Variants in AP3B1 observed in about 807,000 individuals in gnomAD.
AP3B1 encodes AP-3 complex subunit beta-1.
AP3B1 carries 61 observed loss-of-function variants against 132.5 expected under a neutral mutation model. The observed-to-expected ratio is 0.46, with a 90% CI of 0.37 to 0.57. AP3B1 has a LOEUF of 0.57. Ranked by LOEUF, AP3B1 falls within the 20% of genes least tolerant of loss-of-function variation. The probability of loss-of-function intolerance (pLI) is 0.00; values close to 1 mark genes in which losing one functional copy is unlikely to be tolerated. For synonymous variants in AP3B1, 388 were observed against 438.3 expected, an observed-to-expected ratio of 0.89 and a Z score of 1.43; for missense variants, 1,120 against 1,289.4, an observed-to-expected ratio of 0.87 and a Z score of 2.01.
intron 15 of AP3B1, among the ~76,000 whole-genome samples, chr5:78,131,694 C>G (rs1048602371): frequency 2.1e-4 from 32 of 152,042 alleles, no homozygotes; most frequent in African/African-American, 7.5e-4. Context: ...AGAGTCTTCA[C>G]GATAGGTGAG....
intron 7 of AP3B1, among the ~76,000 whole-genome samples, chr5:78,199,606 T>C (rs969595302): frequency 6.6e-6 from 1 of 152,146 alleles, no homozygotes; most frequent in Non-Finnish European, 1.5e-5. Flanking sequence ...GGAAAGTAAA[T>C]GTGTGTTGAA....
chr5:78,131,785 GAAAACTTTCA>G (rs1303146979), intron 15 of AP3B1, among the ~76,000 whole-genome samples: 1 of 152,028 alleles, frequency 6.6e-6, no homozygotes, highest in African/African-American at 2.4e-5. Flanking sequence ...CCTGTACAGG[GAAAACTTTCA>G]AAGTCTTTCT....
intron 11 of AP3B1, among the ~76,000 whole-genome samples, chr5:78,168,223 TTTC>T (rs1176190528): frequency 0.019 from 2,686 of 144,460 alleles, 73 homozygotes; most frequent in African/African-American, 0.064. Context: ...TTTTTTCTTT[TTTC>T]TTTTTTTTTT....
intron 7 of AP3B1, among the ~76,000 whole-genome samples, chr5:78,191,354 CAAAAAAAAAAAAAA>C (rs34733864): frequency 1.4e-5 from 1 of 72,832 alleles, no homozygotes; most frequent in African/African-American, 5.5e-5. Context: ...TGCTTTTCCC[CAAAAAAAAAAAAAA>C]AAAAAAAAAG....
At chr5:78,247,169 A>G (rs2112529216) in intron 2 of AP3B1, among the ~76,000 whole-genome samples, 1 of 151,488 alleles carries the variant, frequency 6.6e-6, no homozygotes, top group South Asian at 2.1e-4. Flanking sequence ...TTAATTCTAT[A>G]TGGTCAGATA....
intron 22 of AP3B1, among the ~76,000 whole-genome samples, chr5:78,081,017 T>TCA (rs1749977332): frequency 2.6e-5 from 4 of 152,270 alleles, no homozygotes; most frequent in Admixed American, 6.5e-5. Context: ...TACAAATGGA[T>TCA]GGCCCTAAGA....
At chr5:78,146,045 A>C (rs749820204) in intron 14 of AP3B1, among the ~76,000 whole-genome samples, 4 of 152,218 alleles carry the variant, frequency 2.6e-5, no homozygotes, top group Non-Finnish European at 5.9e-5. Context: ...AAATAGGTAG[A>C]GATTCAGGAG....
At chr5:78,051,956 G>C (rs1192493633) in intron 22 of AP3B1, among the ~76,000 whole-genome samples, 1 of 151,942 alleles carries the variant, frequency 6.6e-6, no homozygotes, top group Non-Finnish European at 1.5e-5. Context: ...AGTGGGTCTT[G>C]ATTTTACCTT....
intron 7 of AP3B1, among the ~76,000 whole-genome samples, chr5:78,192,412 C>A (rs889220643): frequency 5.9e-5 from 9 of 151,682 alleles, no homozygotes; most frequent in Non-Finnish European, 1.2e-4. Context: ...GGAGCCAAGG[C>A]GAGTGGATCA....
chr5:78,229,738 T>A (rs1461427808), intron 3 of AP3B1, among the ~76,000 whole-genome samples: 1 of 151,644 alleles, frequency 6.6e-6, no homozygotes. Context: ...AGACTCTGTC[T>A]CAAAAATTTA....
intron 17 of AP3B1, among the ~76,000 whole-genome samples, chr5:78,122,801 C>T (rs995242311): frequency 1.1e-4 from 17 of 152,260 alleles, no homozygotes; most frequent in African/African-American, 4.1e-4. Flanking sequence ...AATGCCATCC[C>T]CATCAAGCTA....
intron 1 of AP3B1, among the ~76,000 whole-genome samples, chr5:78,270,460 A>G (rs918085713): frequency 1.3e-5 from 2 of 152,214 alleles, no homozygotes; most frequent in Non-Finnish European, 2.9e-5. Flanking sequence ...ATTTCCAATC[A>G]GAGATACATG....
chr5:78,168,132 C>A (rs1304382360), intron 11 of AP3B1, among the ~76,000 whole-genome samples: 1 of 151,490 alleles, frequency 6.6e-6, no homozygotes, highest in African/African-American at 2.4e-5. Context: ...TATTCAGACA[C>A]ATGTATTAGA....
chr5:78,224,407 T>C (rs1013525579), intron 6 of AP3B1, among the ~76,000 whole-genome samples: 1 of 152,028 alleles, frequency 6.6e-6, no homozygotes, highest in Non-Finnish European at 1.5e-5. Context: ...CTAGAACATA[T>C]TCACTTAATC....
chr5:78,132,682 TAAC>T (rs768304350), intron 15 of AP3B1, among the ~76,000 whole-genome samples: 1 of 152,248 alleles, frequency 6.6e-6, no homozygotes, highest in Non-Finnish European at 1.5e-5. Context: ...AATCTTAAAA[TAAC>T]TACTAGCTTT....
chr5:78,257,660 G>A (rs1034315917), intron 2 of AP3B1, among the ~76,000 whole-genome samples: 1 of 152,100 alleles, frequency 6.6e-6, no homozygotes, highest in East Asian at 1.9e-4. Flanking sequence ...CATAGAAATA[G>A]AAAAAGAAAT....
At chr5:78,286,693 T>C (rs774311821) in intron 1 of AP3B1, among the ~76,000 whole-genome samples, 3 of 152,228 alleles carry the variant, frequency 2.0e-5, no homozygotes, top group Non-Finnish European at 4.4e-5. Context: ...TTTGTCCAGC[T>C]ACCATGCCAA....
At chr5:78,149,911 G>C (rs556820891) in intron 14 of AP3B1, among the ~76,000 whole-genome samples, 1 of 151,504 alleles carries the variant, frequency 6.6e-6, no homozygotes, top group East Asian at 1.9e-4. Flanking sequence ...GATGCTAAAT[G>C]ACTCCTGTAA....
chr5:78,070,666 C>A (rs1338778287), intron 22 of AP3B1, among the ~76,000 whole-genome samples: 4 of 146,978 alleles, frequency 2.7e-5, no homozygotes, highest in Admixed American at 1.4e-4. Context: ...ATCCATTTGA[C>A]AAAGGTCTGA....
Sources: allele counts gnomAD v4.1 joint callset (sites outside exome capture counted in the v4.1 genomes callset), GRCh38; gene constraint gnomAD v4.1.1; transcripts MANE v1.5; gene names NCBI Gene and HGNC (gene_info 2026-07-23, HGNC 2026-07-21).